The following CCDC102B variants were observed in gnomAD, a reference collection of about 807,000 sequenced individuals.
CCDC102B encodes the protein coiled-coil domain containing 102B.
CCDC102B carries 75 observed loss-of-function variants against 57.4 expected under a neutral mutation model. The ratio of observed to expected loss-of-function variants is 1.31; its 90% confidence interval spans 1.08 to 1.58. CCDC102B has a LOEUF of 1.58. Among genes scored for constraint, CCDC102B ranks in the 40% most tolerant of loss-of-function variants. CCDC102B has a pLI of 0.00. For missense variants in CCDC102B, 636 were observed against 582.6 expected, an observed-to-expected ratio of 1.09 and a Z score of -0.94; for synonymous variants, 206 against 201.9, an observed-to-expected ratio of 1.02 and a Z score of -0.17.
At chr18:68,928,665 T>TTACAAAC (rs2041560215) in intron 6 of CCDC102B, among the ~76,000 whole-genome samples, 1 of 151,840 alleles carries the variant, frequency 6.6e-6, no homozygotes, top group Non-Finnish European at 1.5e-5. Context: ...GAAGAAACTA[T>TTACAAAC]TACAAACTAC....
At chr18:68,838,512 G>A (rs965670815) in intron 2 of CCDC102B, 194 bp from the exon 3 acceptor site, 7 of 985,068 alleles carry the variant, frequency 7.1e-6, no homozygotes, top group Non-Finnish European at 8.4e-6. Flanking sequence ...TTATGAGAAA[G>A]TAGAACATAG....
intron 6 of CCDC102B, among the ~76,000 whole-genome samples, chr18:68,910,997 T>C (rs1692227906): frequency 1.3e-5 from 2 of 151,206 alleles, no homozygotes; most frequent in African/African-American, 4.9e-5. Flanking sequence ...GGAGTGTAAA[T>C]GAGTTCAACT....
chr18:68,790,320 G>GAGGC (rs536774052), intron 2 of CCDC102B, among the ~76,000 whole-genome samples: 54,365 of 150,954 alleles, frequency 0.36, 11,288 homozygotes, highest in Non-Finnish European at 0.49. Flanking sequence ...GGAGCGTACA[G>GAGGC]AGGCAGGCAG....
rs2037499993 is a variant in CCDC102B at position 68,838,834 on chromosome 18, A to G, written c.735A>G (p.Ala245=). 1 of 1,613,934 alleles carries G rather than the reference A, an allele frequency of 6.2e-7. No homozygotes were observed. The highest frequency in any genetic ancestry group is 8.5e-7 in the Non-Finnish European group (1 of 1,179,984). The change falls in exon 3 of 8, where the codon GCA becomes GCG. Residue 245 remains alanine (A), a synonymous_variant. Coordinates refer to ENST00000360242, the MANE Select transcript of CCDC102B (RefSeq NM_024781.3). ...CGAAAACTGGGCTGAGACTGAAAGC[A>G]ATAAATCTGCCTTTGGAAAATGAAG... is the stretch of plus-strand genomic sequence containing the variant. ...GETKTGLRLK[A]INLPLENEVT...
intron 2 of CCDC102B, among the ~76,000 whole-genome samples, chr18:68,776,721 A>ATTTT (rs2034830625): frequency 6.6e-6 from 1 of 152,146 alleles, no homozygotes; most frequent in African/African-American, 2.4e-5. Flanking sequence ...AATAGGCTTA[A>ATTTT]TACCTGAGTA....
chr18:68,817,371 G>A (rs1474796661), intron 1 of CCDC102B, among the ~76,000 whole-genome samples: 1 of 152,176 alleles, frequency 6.6e-6, no homozygotes, highest in Non-Finnish European at 1.5e-5. Context: ...TAAACATAAT[G>A]AACAAAAGGA....
At chr18:69,041,021 T>A (rs766859301) in intron 7 of CCDC102B, among the ~76,000 whole-genome samples, 11 of 151,968 alleles carry the variant, frequency 7.2e-5, no homozygotes, top group Non-Finnish European at 1.0e-4. Context: ...AGGAGAGAAG[T>A]AGGCTAGAGT....
chr18:68,990,009 A>G (rs1490643761), intron 6 of CCDC102B, among the ~76,000 whole-genome samples: 1 of 152,156 alleles, frequency 6.6e-6, no homozygotes, highest in East Asian at 1.9e-4. Flanking sequence ...GCTCCTCTGT[A>G]TAGGACCCAC....
intron 2 of CCDC102B, among the ~76,000 whole-genome samples, chr18:68,779,409 C>A (rs2144631133): frequency 6.6e-6 from 1 of 152,080 alleles, no homozygotes; most frequent in South Asian, 2.1e-4. Context: ...AAGCATAGCA[C>A]AAAGATTGCT....
intron 7 of CCDC102B, among the ~76,000 whole-genome samples, chr18:69,013,371 G>C (rs961277010): frequency 6.6e-6 from 1 of 152,048 alleles, no homozygotes; most frequent in East Asian, 1.9e-4. Flanking sequence ...ATGGCGACTC[G>C]GAAAGGTGGG....
intron 1 of CCDC102B, among the ~76,000 whole-genome samples, chr18:68,716,097 TTTTC>T (rs1186475343): frequency 3.3e-5 from 5 of 151,944 alleles, no homozygotes; most frequent in Non-Finnish European, 7.4e-5. Flanking sequence ...CAATTTTTCT[TTTTC>T]TTTCTCTTTT....
chr18:68,961,802 A>C (rs972093488), intron 6 of CCDC102B, among the ~76,000 whole-genome samples: 1 of 152,134 alleles, frequency 6.6e-6, no homozygotes, highest in Non-Finnish European at 1.5e-5. Flanking sequence ...ATAGAAATAT[A>C]AGTTCTCCAA....
intron 6 of CCDC102B, among the ~76,000 whole-genome samples, chr18:68,913,260 C>T (rs1015966694): frequency 8.0e-5 from 12 of 150,276 alleles, no homozygotes; most frequent in African/African-American, 2.9e-4. Flanking sequence ...AGAATCATCT[C>T]TTTGCTTTTT....
chr18:68,983,419 G>T (rs983449405), intron 6 of CCDC102B, among the ~76,000 whole-genome samples: 5 of 151,896 alleles, frequency 3.3e-5, no homozygotes, highest in Non-Finnish European at 4.4e-5. Context: ...TGCAGGGAGG[G>T]TTTCCCTACC....
chr18:69,042,977 G>A (rs1368284537), intron 7 of CCDC102B, among the ~76,000 whole-genome samples: 5 of 152,036 alleles, frequency 3.3e-5, no homozygotes, highest in African/African-American at 9.7e-5. Context: ...GGGAACCAGC[G>A]TTCAGCATAT....
At chr18:68,736,127 T>A (rs1413482745) in intron 2 of CCDC102B, among the ~76,000 whole-genome samples, 1 of 152,162 alleles carries the variant, frequency 6.6e-6, no homozygotes, top group Non-Finnish European at 1.5e-5. Flanking sequence ...TGGAGAGGAA[T>A]TTTTAGGATT....
In CCDC102B at chr18:68,908,499, C is replaced by G. The variant is rs557092978; in HGVS notation, c.1263+11071C>G. 3.3e-5 allele frequency: 5 copies of G among 152,252 alleles called. No homozygotes were observed. In the East Asian group the frequency reaches 9.7e-4, roughly 29 times the overall value. 9.4% of individuals were successfully genotyped at this position (152,252 alleles called of 1,614,324 possible). ...TACCTTGCCATTTTTGCTGACATCT[C>G]GTCACACCCATTATTGATCTTGGGA... On this transcript the variant is annotated intron_variant, in intron 6 of 7. Transcript: ENST00000360242.
intron 2 of CCDC102B, among the ~76,000 whole-genome samples, chr18:68,759,884 C>T (rs1045656731): frequency 1.3e-4 from 20 of 152,054 alleles, no homozygotes; most frequent in Admixed American, 9.2e-4. Flanking sequence ...GCCCTCACCC[C>T]TCTTTGGGGG....
At chr18:68,888,661 T>C (rs1269603444) in intron 5 of CCDC102B, among the ~76,000 whole-genome samples, 1 of 152,158 alleles carries the variant, frequency 6.6e-6, no homozygotes, top group Non-Finnish European at 1.5e-5. Context: ...ACTGACAGAC[T>C]AGACTCAGGT....
Sources: allele counts gnomAD v4.1 joint callset (sites outside exome capture counted in the v4.1 genomes callset), GRCh38; gene constraint gnomAD v4.1.1; transcripts MANE v1.5; gene names NCBI Gene and HGNC (gene_info 2026-07-23, HGNC 2026-07-21).